The following USP2 variants were observed in gnomAD, a reference collection of about 807,000 sequenced individuals.
USP2 encodes ubiquitin specific peptidase 2, also known as ubiquitin carboxyl-terminal hydrolase 2.
Under a neutral mutation model 72.0 loss-of-function variants are expected in USP2, and 33 were observed. That is an observed-to-expected ratio of 0.46 (90% CI 0.35 to 0.61). The LOEUF (loss-of-function observed/expected upper bound fraction) is 0.61, where lower values mean the gene tolerates loss of function less well. USP2 is among the 20% of genes least tolerant of loss of function. The pLI, the probability that USP2 is intolerant of heterozygous loss-of-function variation, is 0.01. For missense variants in USP2, 691 were observed against 797.8 expected, an observed-to-expected ratio of 0.87 and a Z score of 1.61; for synonymous variants, 296 against 312.5, an observed-to-expected ratio of 0.95 and a Z score of 0.56.
At chr11:119,361,957 T>C (rs1950771558) in intron 2 of USP2, among the ~76,000 whole-genome samples, 4 of 152,172 alleles carry the variant, frequency 2.6e-5, no homozygotes, top group Admixed American at 2.6e-4. Flanking sequence ...TTTTCCAGAA[T>C]TGGTGAAACG....
At chr11:119,360,052 C>T in intron 3 of USP2, 132 bp downstream of exon 3, 1 of 1,143,784 alleles carries the variant, frequency 8.7e-7, no homozygotes, top group Non-Finnish European at 1.3e-6. Flanking sequence ...AAACACCAGC[C>T]AGGAAGGGCA....
chr11:119,379,729 C>T (rs1444998569), intron 1 of USP2, among the ~76,000 whole-genome samples: 1 of 152,066 alleles, frequency 6.6e-6, no homozygotes, highest in Non-Finnish European at 1.5e-5. Flanking sequence ...TGGTCTATCT[C>T]AGTTGTGAGG....
chr11:119,379,350 C>G (rs511401), intron 1 of USP2: 809,320 of 919,250 alleles, frequency 0.88, 352,410 homozygotes, highest in East Asian at 0.91. Context: ...GAGGAAAGAG[C>G]ATTGAAAAGA....
At chr11:119,374,639 G>A (rs659705) in intron 1 of USP2, among the ~76,000 whole-genome samples, 131,266 of 152,098 alleles carry the variant, frequency 0.86, 56,669 homozygotes, top group East Asian at 0.91. Flanking sequence ...GTCAGTTGGG[G>A]ACCCCCAGAG....
intron 11 of USP2, 31 bp downstream of exon 11, chr11:119,357,452 C>T: frequency 6.2e-7 from 1 of 1,613,842 alleles, no homozygotes; most frequent in African/African-American, 1.3e-5. Flanking sequence ...CCTGCGTCTT[C>T]ATTCTGCCCT....
At chr11:119,361,994 C>T (rs117436133) in intron 2 of USP2, among the ~76,000 whole-genome samples, 2 of 152,306 alleles carry the variant, frequency 1.3e-5, no homozygotes, top group East Asian at 1.9e-4. Context: ...GTTGCGCACT[C>T]GGAACTAAAT....
In USP2 at chr11:119,356,932, G is replaced by C. The variant is rs1934965158; in HGVS notation, c.1731-10C>G. The C allele has an allele frequency of 6.4e-7, 1 of 1,554,350 alleles. No individual in the cohort carries two copies. The highest frequency in any genetic ancestry group is 1.4e-5 in the African/African-American group (1 of 73,660). ...GGACATGGGAGTGACGCTGCGGAGA[G>C]AGCGGGGAGTCAGCCCGGAGCGGGC... On this transcript the variant is annotated splice_polypyrimidine_tract_variant and intron_variant, in intron 12 of 12. Transcript: ENST00000260187.
intron 4 of USP2, 56 bp downstream of exon 4, chr11:119,359,481 G>T (rs1243578779): frequency 6.2e-7 from 1 of 1,609,702 alleles, no homozygotes; most frequent in Non-Finnish European, 8.5e-7. Flanking sequence ...AACAGCCCCA[G>T]TGGAGTGGAG....
chr11:119,358,876 A>C, intron 6 of USP2, 39 bp from the exon 7 acceptor site: 3 of 1,611,752 alleles, frequency 1.9e-6, no homozygotes, highest in African/African-American at 1.3e-5. Flanking sequence ...GTCAAAGCTC[A>C]AAACTTAAGT....
intron 2 of USP2, among the ~76,000 whole-genome samples, chr11:119,366,447 C>T (rs987267830): frequency 9.2e-5 from 14 of 152,206 alleles, no homozygotes; most frequent in Admixed American, 2.0e-4. Flanking sequence ...TACTGCATAT[C>T]GTCAGTCTAT....
At chr11:119,374,483 C>G (rs938489138) in intron 1 of USP2, among the ~76,000 whole-genome samples, 33 of 152,238 alleles carry the variant, frequency 2.2e-4, no homozygotes, top group Non-Finnish European at 5.9e-5. Context: ...GAATTTTAAT[C>G]TATCTGTTAT....
intron 1 of USP2, among the ~76,000 whole-genome samples, chr11:119,375,698 A>G (rs1950991519): frequency 6.6e-6 from 1 of 152,134 alleles, no homozygotes. Context: ...AATCAGATAC[A>G]ATCCCCCCAA....
At chr11:119,379,091 A>AGCCT in intron 1 of USP2, 1 of 985,554 alleles carries the variant, frequency 1.0e-6, no homozygotes, top group Non-Finnish European at 1.2e-6. Context: ...CAGAAGCTGG[A>AGCCT]GCCTGACTCT....
In USP2 at chr11:119,380,868, T is replaced by C. The variant is rs116860234; in HGVS notation, c.-42+605A>G. ...TACCACTACCTCCAGCTCAGTCCCATTCTAAAGGCAGCCAGGTCAGGAGGT... is the reference window on the plus strand; with the variant it reads ...TACCACTACCTCCAGCTCAGTCCCACTCTAAAGGCAGCCAGGTCAGGAGGT... On this transcript the variant is annotated intron_variant, in intron 1 of 12. Transcript: ENST00000260187. 705 of 155,494 alleles carry C rather than the reference T, an allele frequency of 4.5e-3. 14 individuals carry two copies. Among genetic ancestry groups the C allele is most frequent in the East Asian group, 0.04 (205 of 5,178 alleles). 9.6% of individuals were successfully genotyped at this position (155,494 alleles called of 1,614,324 possible). A position where few individuals can be genotyped will look rare whatever the true frequency, so the allele number is the denominator to read the frequency against.
At chr11:119,380,000 C>G (rs148081236) in intron 1 of USP2, among the ~76,000 whole-genome samples, 7 of 149,920 alleles carry the variant, frequency 4.7e-5, no homozygotes, top group African/African-American at 4.9e-5. Context: ...CTGCAAGCTC[C>G]GCATCCTGGG....
chr11:119,368,361 G>T (rs45628335), intron 2 of USP2, among the ~76,000 whole-genome samples: 6,826 of 152,326 alleles, frequency 0.045, 431 homozygotes, highest in African/African-American at 0.14. Context: ...CAGTGTGGCT[G>T]CGTGAACGGA....
chr11:119,355,498 G>A lies in USP2; in HGVS notation c.*1337C>T, dbSNP rs1565300114. Reference sequence around the variant, plus strand: ...ACAGCACAGAGTTTTATCCAACTATGTAGGGCAAAATTGAGCCCACAGGAA... The same window carrying A: ...ACAGCACAGAGTTTTATCCAACTATATAGGGCAAAATTGAGCCCACAGGAA... On this transcript the variant is annotated 3_prime_UTR_variant, in exon 13 of 13. Coordinates refer to ENST00000260187, the MANE Select transcript of USP2 (RefSeq NM_004205.5). The A allele has an allele frequency of 6.6e-6, 1 of 152,242 alleles. No individual in the cohort carries two copies. Among genetic ancestry groups the A allele is most frequent in the Admixed American group, 6.5e-5 (1 of 15,280 alleles). 9.4% of individuals were successfully genotyped at this position (152,242 alleles called of 1,614,324 possible).
chr11:119,366,786 C>T (rs944629657), intron 2 of USP2, among the ~76,000 whole-genome samples: 1 of 152,224 alleles, frequency 6.6e-6, no homozygotes, highest in Non-Finnish European at 1.5e-5. Flanking sequence ...TGCTCACCCA[C>T]TATAGCATTT....
Position 119,356,135 on chromosome 11 carries a change from A to G in USP2, c.*700T>C, listed in dbSNP as rs1422044800. 1 of 151,908 alleles carries G rather than the reference A, an allele frequency of 6.6e-6. No individual in the cohort carries two copies. Among genetic ancestry groups the G allele is most frequent in the African/African-American group, 2.4e-5 (1 of 41,288 alleles). 9.4% of individuals were successfully genotyped at this position (151,908 alleles called of 1,614,324 possible). The stretch of plus-strand genomic sequence containing the variant: ...TGTGGCTGTGCTTGGGGCCTGGCCA[A>G]CGCCCACCTAGCACCACGGAGGGCT... On this transcript the variant is annotated 3_prime_UTR_variant, in exon 13 of 13. Transcript: ENST00000260187.
Sources: allele counts gnomAD v4.1 joint callset (sites outside exome capture counted in the v4.1 genomes callset), GRCh38; gene constraint gnomAD v4.1.1; transcripts MANE v1.5; gene names NCBI Gene and HGNC (gene_info 2026-07-23, HGNC 2026-07-21).